Variants in RALY observed in about 807,000 individuals in gnomAD.
The protein encoded by RALY is RNA-binding protein Raly.
In RALY, 15 loss-of-function variants were observed where a neutral mutation model predicts 30.7. The observed-to-expected ratio is 0.49, with a 90% CI of 0.33 to 0.75. The LOEUF is 0.75. Among genes scored for constraint, RALY ranks in the 30% least tolerant of loss-of-function variants. The probability of loss-of-function intolerance (pLI) is 0.02; values close to 1 mark genes in which losing one functional copy is unlikely to be tolerated. For missense variants in RALY, 339 were observed against 414.3 expected (o/e 0.82, Z 1.58); for synonymous variants, 177 against 170.8 (o/e 1.04, Z -0.28).
chr20:34,003,613 C>G (rs1360729672), intron 1 of RALY, among the ~76,000 whole-genome samples: 2 of 147,662 alleles, frequency 1.4e-5, no homozygotes, highest in African/African-American at 5.1e-5. Context: ...ATATGTTTAC[C>G]TTTGGTAAAT....
chr20:34,005,452 T>C lies in RALY; in HGVS notation c.-93+11321T>C, dbSNP rs2031115441. On this transcript the variant is annotated intron_variant, in intron 1 of 9. Coordinates refer to ENST00000246194, the MANE Select transcript of RALY (RefSeq NM_016732.3). ...TGAACCAGGGAGTTGGAGGTTGTAA[T>C]GAGCCAAGATCGTGCCACTGCGCTC... 3.3e-5 allele frequency among the ~76,000 whole-genome samples: 5 copies of C among 151,742 alleles called. No individual in the cohort carries two copies. The South Asian group carries it at 1.0e-3, about 32-fold the overall frequency.
At chr20:34,079,218 C>T (rs1228237133) in intron 9 of RALY, among the ~76,000 whole-genome samples, 6 of 152,168 alleles carry the variant, frequency 3.9e-5, no homozygotes, top group Non-Finnish European at 7.4e-5. Context: ...TCTTCAATCC[C>T]ACAAGCTGAT....
intron 1 of RALY, among the ~76,000 whole-genome samples, chr20:34,008,089 C>G (rs2031242766): frequency 6.6e-6 from 1 of 152,234 alleles, no homozygotes; most frequent in Non-Finnish European, 1.5e-5. Flanking sequence ...ATGCTATTCA[C>G]TGTTGCCTGG....
chr20:34,007,892 TG>T (rs1270447876), intron 1 of RALY, among the ~76,000 whole-genome samples: 1 of 151,684 alleles, frequency 6.6e-6, no homozygotes, highest in African/African-American at 2.4e-5. Flanking sequence ...TACCATGTTA[TG>T]GTGTGGTACT....
At chr20:34,076,124 T>TA in intron 6 of RALY, 84 bp downstream of exon 6, 1 of 1,463,190 alleles carries the variant, frequency 6.8e-7, no homozygotes, top group Non-Finnish European at 9.3e-7. Flanking sequence ...CATTGGAACA[T>TA]AGATAAAACA....
chr20:34,026,657 G>T (rs554893528), intron 1 of RALY, among the ~76,000 whole-genome samples: 1 of 151,616 alleles, frequency 6.6e-6, no homozygotes, highest in Admixed American at 6.6e-5. Context: ...TGATCCGCCC[G>T]CCTTGGCCTC....
At chr20:34,009,538 C>T (rs534670109) in intron 1 of RALY, among the ~76,000 whole-genome samples, 5 of 152,138 alleles carry the variant, frequency 3.3e-5, no homozygotes, top group African/African-American at 9.6e-5. Flanking sequence ...GCCCCAGCCT[C>T]TACCAGGGTT....
At chr20:34,037,250 C>T (rs527854044) in intron 2 of RALY, among the ~76,000 whole-genome samples, 1 of 152,300 alleles carries the variant, frequency 6.6e-6, no homozygotes, top group East Asian at 1.9e-4. Context: ...TGCTCGGCAG[C>T]CTGGCTCCTG....
At chr20:34,000,269 G>T (rs1406228322) in intron 1 of RALY, among the ~76,000 whole-genome samples, 1 of 152,098 alleles carries the variant, frequency 6.6e-6, no homozygotes, top group Non-Finnish European at 1.5e-5. Context: ...CGTTTGGTCA[G>T]TGTGTGGGCT....
At chr20:34,020,202 G>A (rs1453643993) in intron 1 of RALY, among the ~76,000 whole-genome samples, 2 of 152,250 alleles carry the variant, frequency 1.3e-5, no homozygotes. Flanking sequence ...CATGTAAGTG[G>A]AGGATGTGCT....
At position 34,066,992 on chromosome 20, in the gene RALY, A is replaced by G. The variant is rs549080063; in HGVS notation, c.-9-5074A>G. 3.3e-5 allele frequency among the ~76,000 whole-genome samples: 5 copies of G among 152,324 alleles called. No individual in the cohort carries two copies. In the South Asian group the frequency reaches 1.0e-3, roughly 32 times the overall value. ...TGCCAGGGAAGTCAGAACCCAAGGC[A>G]TCCCTGTGCCATGTGCAATCTTGCC... is the stretch of plus-strand genomic sequence containing the variant. On this transcript the variant is annotated intron_variant, in intron 2 of 9. Coordinates refer to ENST00000246194, the MANE Select transcript of RALY (RefSeq NM_016732.3).
At position 34,045,937 on chromosome 20, in the gene RALY, C is replaced by T. The variant is rs184986955; in HGVS notation, c.-10+14333C>T. Among the ~76,000 whole-genome samples the T allele has an allele frequency of 1.3e-3, 192 of 152,232 alleles. 1 individual carries two copies. The highest frequency in any genetic ancestry group is 4.0e-3 in the African/African-American group (166 of 41,540). On this transcript the variant is annotated intron_variant, in intron 2 of 9. Coordinates refer to ENST00000246194, the MANE Select transcript of RALY (RefSeq NM_016732.3). ...GTCTGGCTCTTCATTTTCTGTGTGC[C>T]GTTCCCCTTTTCTTACAGTTTCCAG...
rs904384058 is a variant in RALY, at chr20:34,022,731, A to G, written c.-92-8791A>G. 3.5e-4 allele frequency among the ~76,000 whole-genome samples: 53 copies of G among 152,206 alleles called. 1 individual carries two copies. The highest frequency in any genetic ancestry group is 6.8e-3 in the Middle Eastern group (2 of 294). ...GACCACAGTGGTGAGTTTTAAGCTC[A>G]TTTCTGCCTTCAGCTTCCTATGTGA... On this transcript the variant is annotated intron_variant, in intron 1 of 9. Coordinates refer to ENST00000246194, the MANE Select transcript of RALY (RefSeq NM_016732.3).
At chr20:34,023,739 C>T (rs1353287747) in intron 1 of RALY, among the ~76,000 whole-genome samples, 1 of 152,096 alleles carries the variant, frequency 6.6e-6, no homozygotes, top group Non-Finnish European at 1.5e-5. Context: ...GCCCCACAGT[C>T]AGTCTATGGT....
At position 34,083,367 on chromosome 20, in the gene RALY, C is replaced by T. The variant is rs2034059442; in HGVS notation, c.*3462C>T. ...CACGTTCCAGCATCTAGCAGGCTGA[C>T]CCAGGATTCTAGACATCATGGCTGA... On this transcript the variant is annotated 3_prime_UTR_variant, in exon 10 of 10. Transcript: ENST00000246194. The T allele has an allele frequency of 6.6e-6, 1 of 152,214 alleles. No individual in the cohort carries two copies. The highest frequency in any genetic ancestry group is 1.5e-5 in the Non-Finnish European group (1 of 68,052). 9.4% of individuals were successfully genotyped at this position (152,214 alleles called of 1,614,324 possible). A position where few individuals can be genotyped will look rare whatever the true frequency, so the allele number is the denominator to read the frequency against.
Position 34,049,480 on chromosome 20 carries a change from A to G in RALY, c.-10+17876A>G, listed in dbSNP as rs2033004511. On this transcript the variant is annotated intron_variant, in intron 2 of 9. Coordinates refer to ENST00000246194, the MANE Select transcript of RALY (RefSeq NM_016732.3). ...CAGGCTAATTAAGAACCCCTGTAGT[A>G]AAGGAACAGTTACCTCTGCTGTAAG... 4.6e-5 allele frequency among the ~76,000 whole-genome samples: 7 copies of G among 152,156 alleles called. No individual in the cohort carries two copies. The South Asian group carries it at 1.5e-3, about 32-fold the overall frequency.
Position 34,009,633 on chromosome 20 carries a change from G to A in RALY, c.-93+15502G>A, listed in dbSNP as rs74881795. ...GCAAAGAGACATGGCTTGGATCTTT[G>A]GGCAACTCTTTGGAGCTTCGGCCAA... is the stretch of plus-strand genomic sequence containing the variant. On this transcript the variant is annotated intron_variant, in intron 1 of 9. Coordinates refer to ENST00000246194, the MANE Select transcript of RALY (RefSeq NM_016732.3). Among the ~76,000 whole-genome samples, 22 of 152,114 alleles carry A rather than the reference G, an allele frequency of 1.4e-4. 1 individual carries two copies. Among genetic ancestry groups the A allele is most frequent in the Non-Finnish European group, 2.6e-4 (18 of 68,014 alleles).
chr20:34,024,001 C>G lies in RALY; in HGVS notation c.-92-7521C>G, dbSNP rs373621325. 2.0e-5 allele frequency among the ~76,000 whole-genome samples: 3 copies of G among 152,120 alleles called. No individual in the cohort carries two copies. In the South Asian group the frequency reaches 6.2e-4, roughly 32 times the overall value. ...GGATCACCTGAGATTATCAGGAGTT[C>G]GAGACCAGCCTGGCCAACATGGTCT... On this transcript the variant is annotated intron_variant, in intron 1 of 9. Transcript: ENST00000246194.
chr20:34,032,311 A>G (rs2032315143), intron 2 of RALY, among the ~76,000 whole-genome samples: 1 of 152,172 alleles, frequency 6.6e-6, no homozygotes, highest in African/African-American at 2.4e-5. Context: ...TGCCAAGCTC[A>G]TAGGTCAGCT....
Sources: gnomAD v4.1 joint callset for allele counts (sites outside exome capture counted in the v4.1 genomes callset) on GRCh38, gnomAD v4.1.1 for gene constraint, MANE v1.5 for transcripts, NCBI Gene and HGNC (gene_info 2026-07-23, HGNC 2026-07-21) for gene names.